NEK11: variants seen among roughly 807,000 people sequenced by gnomAD.
NEK11 encodes serine/threonine-protein kinase Nek11.
NEK11 carries 72 observed loss-of-function variants against 80.7 expected under a neutral mutation model. The observed-to-expected ratio is 0.89, with a 90% CI of 0.74 to 1.08. NEK11 has a LOEUF of 1.08. Ranked by LOEUF, NEK11 falls within the 50% of genes least tolerant of loss-of-function variation. NEK11 has a pLI of 0.00. For missense variants in NEK11, 764 were observed against 763.6 expected (o/e 1.00, Z -0.01); for synonymous variants, 251 against 260.7 (o/e 0.96, Z 0.36).
At chr3:131,135,944 C>G (rs2085474598) in intron 7 of NEK11, among the ~76,000 whole-genome samples, 1 of 151,832 alleles carries the variant, frequency 6.6e-6, no homozygotes, top group Admixed American at 6.6e-5. Context: ...GAGTATTTGT[C>G]TCAGTTATGT....
At chr3:131,348,512 C>G (rs755552954) in intron 17 of NEK11, among the ~76,000 whole-genome samples, 1 of 151,524 alleles carries the variant, frequency 6.6e-6, no homozygotes, top group Non-Finnish European at 1.5e-5. Context: ...TGCTTGCAGG[C>G]CCCACATAAA....
chr3:131,059,844 G>A (rs572720727), intron 3 of NEK11, among the ~76,000 whole-genome samples: 1 of 152,216 alleles, frequency 6.6e-6, no homozygotes. Flanking sequence ...TAAAAGCAAA[G>A]TTGATCCAGT....
intron 3 of NEK11, among the ~76,000 whole-genome samples, chr3:131,042,398 C>A (rs1223849068): frequency 6.6e-6 from 1 of 152,146 alleles, no homozygotes; most frequent in South Asian, 2.1e-4. Flanking sequence ...AGTCTGAGGT[C>A]GACCTGGGAT....
intron 14 of NEK11, among the ~76,000 whole-genome samples, chr3:131,203,663 CAT>C (rs2094330834): frequency 7.3e-6 from 1 of 137,884 alleles, no homozygotes; most frequent in Non-Finnish European, 1.6e-5. Context: ...CACACACACA[CAT>C]ATATAAAGTA....
intron 4 of NEK11, among the ~76,000 whole-genome samples, chr3:131,086,389 C>G (rs771526550): frequency 6.6e-5 from 10 of 152,098 alleles, no homozygotes; most frequent in Non-Finnish European, 1.2e-4. Context: ...ATTGGTATTC[C>G]ACTGTAAGGA....
chr3:131,065,111 T>A (rs1360334971), intron 3 of NEK11, among the ~76,000 whole-genome samples: 1 of 152,194 alleles, frequency 6.6e-6, no homozygotes, highest in Middle Eastern at 3.2e-3. Context: ...ATTTAAATGC[T>A]GGATAAAGAT....
chr3:131,163,175 T>C (rs2091846287), intron 11 of NEK11, among the ~76,000 whole-genome samples: 1 of 152,174 alleles, frequency 6.6e-6, no homozygotes, highest in African/African-American at 2.4e-5. Flanking sequence ...AAAAATAGCA[T>C]GAAGATTCCT....
chr3:131,297,540 T>C (rs2109087594), intron 17 of NEK11, among the ~76,000 whole-genome samples: 1 of 152,298 alleles, frequency 6.6e-6, no homozygotes, highest in South Asian at 2.1e-4. Flanking sequence ...TTTGTTTGAG[T>C]TCATTGTAGA....
At position 131,181,513 on chromosome 3, in the gene NEK11, A is replaced by G. The variant is rs565228504; in HGVS notation, c.1399+10626A>G. ...TGTAATCCCAGCACTTTGGGAGGCC[A>G]AGGCGGGCAGATCACAAGGTCAGGA... On this transcript the variant is annotated intron_variant, in intron 14 of 17. Coordinates refer to ENST00000383366, the MANE Select transcript of NEK11 (RefSeq NM_024800.5). Among the ~76,000 whole-genome samples, 64 of 152,186 alleles carry G rather than the reference A, an allele frequency of 4.2e-4. 1 individual carries two copies. In the South Asian group the frequency reaches 8.5e-3, roughly 20 times the overall value.
chr3:131,041,677 A>G (rs2066504506), intron 3 of NEK11, among the ~76,000 whole-genome samples: 1 of 152,182 alleles, frequency 6.6e-6, no homozygotes, highest in Non-Finnish European at 1.5e-5. Context: ...TGGTAATAAT[A>G]TCCCGTTCTG....
At chr3:131,039,376 A>G (rs1334889956) in intron 3 of NEK11, among the ~76,000 whole-genome samples, 1 of 152,210 alleles carries the variant, frequency 6.6e-6, no homozygotes, top group East Asian at 1.9e-4. Context: ...TATAATCTGT[A>G]ACTAGCCCTT....
At chr3:131,347,371 G>A (rs2097378703) in intron 17 of NEK11, among the ~76,000 whole-genome samples, 1 of 152,194 alleles carries the variant, frequency 6.6e-6, no homozygotes, top group Non-Finnish European at 1.5e-5. Flanking sequence ...GCTCTAAAGG[G>A]CTATAGAAAT....
chr3:131,263,908 A>C (rs1482709525), intron 16 of NEK11, among the ~76,000 whole-genome samples: 1 of 152,140 alleles, frequency 6.6e-6, no homozygotes, highest in Non-Finnish European at 1.5e-5. Flanking sequence ...CGCCATTCTA[A>C]CTGCTGTGAG....
At chr3:131,112,071 C>G (rs1443036682) in intron 5 of NEK11, among the ~76,000 whole-genome samples, 1 of 152,126 alleles carries the variant, frequency 6.6e-6, no homozygotes, top group Non-Finnish European at 1.5e-5. Flanking sequence ...CCCAGTAATT[C>G]TATTCCTAAG....
chr3:131,132,744 G>A lies in NEK11; in HGVS notation c.456-1G>A. On this transcript the variant is annotated splice_acceptor_variant, in intron 5 of 17. Transcript: ENST00000383366. LOFTEE classifies it high-confidence loss of function. ...TTGTATATCTTTTTTGCCTTTTGTAGGAGGATACTTCATCGAGACTTAAAG... is the reference window on the plus strand; with the variant it reads ...TTGTATATCTTTTTTGCCTTTTGTAAGAGGATACTTCATCGAGACTTAAAG... The A allele has an allele frequency of 6.7e-7, 1 of 1,501,562 alleles. No individual in the cohort carries two copies. The highest frequency in any genetic ancestry group is 9.1e-7 in the Non-Finnish European group (1 of 1,098,498). The allele number at this position is 1,501,562 out of a possible 1,614,324, so 93.0% of individuals were successfully genotyped here.
At position 131,054,710 on chromosome 3, in the gene NEK11, T is replaced by C. The variant is rs182947841; in HGVS notation, c.170+24832T>C. The C allele has an allele frequency of 5.5e-4, 83 of 151,826 alleles. 1 individual carries two copies. Among genetic ancestry groups the C allele is most frequent in the African/African-American group, 1.9e-3 (79 of 41,366 alleles). 9.4% of individuals were successfully genotyped at this position (151,826 alleles called of 1,614,324 possible). A position where few individuals can be genotyped will look rare whatever the true frequency, so the allele number is the denominator to read the frequency against. On this transcript the variant is annotated intron_variant, in intron 3 of 17. Coordinates refer to ENST00000383366, the MANE Select transcript of NEK11 (RefSeq NM_024800.5). The stretch of plus-strand genomic sequence containing the variant: ...ATGCAGAGGTTGCAGTGAGCCTAGA[T>C]TGCGCCATTGCACTCCAGCCTGGGT...
At chr3:131,316,188 T>G (rs1452349443) in intron 17 of NEK11, among the ~76,000 whole-genome samples, 1 of 152,224 alleles carries the variant, frequency 6.6e-6, no homozygotes, top group East Asian at 1.9e-4. Context: ...TAAACAGAAC[T>G]TTTTATTTCA....
At chr3:131,292,013 T>C (rs2096548844) in intron 17 of NEK11, among the ~76,000 whole-genome samples, 1 of 152,142 alleles carries the variant, frequency 6.6e-6, no homozygotes, top group Non-Finnish European at 1.5e-5. Context: ...GTAATCTAGG[T>C]TTTCTTTTAT....
At chr3:131,288,712 A>C (rs1422911769) in intron 17 of NEK11, among the ~76,000 whole-genome samples, 1 of 151,916 alleles carries the variant, frequency 6.6e-6, no homozygotes, top group Non-Finnish European at 1.5e-5. Context: ...TTGGCCTCCC[A>C]AAGTGCTGGG....
Sources: gnomAD v4.1 joint callset for allele counts (sites outside exome capture counted in the v4.1 genomes callset) on GRCh38, gnomAD v4.1.1 for gene constraint, MANE v1.5 for transcripts, NCBI Gene and HGNC (gene_info 2026-07-23, HGNC 2026-07-21) for gene names.